The following N4BP3 variants were observed in gnomAD, a reference collection of about 807,000 sequenced individuals.
The protein encoded by N4BP3 is NEDD4-binding protein 3.
Under a neutral mutation model 43.8 loss-of-function variants are expected in N4BP3, and 33 were observed. That is an observed-to-expected ratio of 0.75 (90% CI 0.57 to 1.01). The LOEUF (loss-of-function observed/expected upper bound fraction) is 1.01, where lower values mean the gene tolerates loss of function less well. Among genes scored for constraint, N4BP3 ranks in the 50% least tolerant of loss-of-function variants. N4BP3 has a pLI of 0.00. For synonymous variants in N4BP3, 326 were observed against 321.9 expected, an observed-to-expected ratio of 1.01 and a Z score of -0.14; for missense variants, 756 against 744.2, an observed-to-expected ratio of 1.02 and a Z score of -0.18.
Position 178,122,126 on chromosome 5 carries a change from A to G in N4BP3, c.*125A>G. 1.6e-6 allele frequency: 2 copies of G among 1,237,280 alleles called. No homozygotes were observed. The highest frequency in any genetic ancestry group is 2.2e-6 in the Non-Finnish European group (2 of 919,212). 76.6% of individuals were successfully genotyped at this position (1,237,280 alleles called of 1,614,324 possible). A position where few individuals can be genotyped will look rare whatever the true frequency, so the allele number is the denominator to read the frequency against. ...GCCAGCCCGGGGCTGGGGAGGCGCA[A>G]GGAGAGGAGGGATCCAGTGGGGCCG... On this transcript the variant is annotated 3_prime_UTR_variant, in exon 5 of 5. Transcript: ENST00000274605.
rs555591537 is a variant in N4BP3 at position 178,113,990 on chromosome 5, C to T, written c.-31+219C>T. Among the ~76,000 whole-genome samples the T allele has an allele frequency of 1.2e-4, 19 of 152,294 alleles. No homozygotes were observed. In the East Asian group the frequency reaches 2.1e-3, roughly 17 times the overall value. The stretch of plus-strand genomic sequence containing the variant: ...CCGAGGCACCGGATCGGGGACCGAC[C>T]CCGATGCTCCGCTGGAGGGGCAGGC... On this transcript the variant is annotated intron_variant, in intron 1 of 4. Transcript: ENST00000274605.
At position 178,122,624 on chromosome 5, in the gene N4BP3, C is replaced by T. The variant is rs1757960516; in HGVS notation, c.*623C>T. On this transcript the variant is annotated 3_prime_UTR_variant, in exon 5 of 5. Transcript: ENST00000274605. ...TTAGCTGCCGTGTGGGCTGAAATTC[C>T]TTTCTTTAGCACCAGTGGAGTTTTC... 2.0e-5 allele frequency: 3 copies of T among 152,230 alleles called. No individual in the cohort carries two copies. The highest frequency in any genetic ancestry group is 7.2e-5 in the African/African-American group (3 of 41,452). 9.4% of individuals were successfully genotyped at this position (152,230 alleles called of 1,614,324 possible). A position where few individuals can be genotyped will look rare whatever the true frequency, so the allele number is the denominator to read the frequency against.
chr5:178,116,269 AG>A (rs1277526565), intron 1 of N4BP3, among the ~76,000 whole-genome samples: 1 of 151,830 alleles, frequency 6.6e-6, no homozygotes, highest in African/African-American at 2.4e-5. Flanking sequence ...GTGTTGGGGG[AG>A]GGGGTGGAGG....
At chr5:178,119,370 G>A (rs1263046280) in intron 1 of N4BP3, among the ~76,000 whole-genome samples, 184 bp from the exon 2 acceptor site, 2 of 152,228 alleles carry the variant, frequency 1.3e-5, no homozygotes, top group Admixed American at 6.5e-5. Context: ...TTTGGGGCTT[G>A]TACTTCTTTC....
chr5:178,126,715 C>CT (rs1758072090), downstream of N4BP3, among the ~76,000 whole-genome samples: 1 of 152,168 alleles, frequency 6.6e-6, no homozygotes. Flanking sequence ...ATGCCATTGT[C>CT]TTGAGCCCTT....
Position 178,123,603 on chromosome 5 carries a change from GC to G in N4BP3, c.*1607del. On this transcript the variant is annotated 3_prime_UTR_variant, in exon 5 of 5. Coordinates refer to ENST00000274605, the MANE Select transcript of N4BP3 (RefSeq NM_015111.2). Reference sequence around the variant, plus strand: ...CGGGTGTGAGGCATGAGCTGGGGGGGCCCCCTTTTTCAGGGCAGAGAATGAG... The same window carrying G: ...CGGGTGTGAGGCATGAGCTGGGGGGGCCCCTTTTTCAGGGCAGAGAATGAG... The G allele has an allele frequency of 6.5e-6, 1 of 153,240 alleles. No individual in the cohort carries two copies. The highest frequency in any genetic ancestry group is 1.5e-5 in the Non-Finnish European group (1 of 68,412). 9.5% of individuals were successfully genotyped at this position (153,240 alleles called of 1,614,324 possible).
Position 178,122,230 on chromosome 5 carries a change from G to A in N4BP3, c.*229G>A. 1.9e-6 allele frequency: 1 copy of A among 525,152 alleles called. No individual in the cohort carries two copies. Among genetic ancestry groups the A allele is most frequent in the Non-Finnish European group, 3.3e-6 (1 of 302,028 alleles). The allele number at this position is 525,152 out of a possible 1,614,324, so 32.5% of individuals were successfully genotyped here. A position where few individuals can be genotyped will look rare whatever the true frequency, so the allele number is the denominator to read the frequency against. On this transcript the variant is annotated 3_prime_UTR_variant, in exon 5 of 5. Transcript: ENST00000274605. Reference sequence around the variant, plus strand: ...GAGCACCTAGGCAGGGCCCAGCCCTGCTTCCTGGAGTGGATGTGGCCCAGA... The same window carrying A: ...GAGCACCTAGGCAGGGCCCAGCCCTACTTCCTGGAGTGGATGTGGCCCAGA...
At position 178,119,858 on chromosome 5, in the gene N4BP3, C is replaced by T. The variant is rs777049138; in HGVS notation, c.275C>T (p.Ser92Phe). 1.2e-6 allele frequency: 2 copies of T among 1,612,770 alleles called. No homozygotes were observed. The highest frequency in any genetic ancestry group is 8.5e-7 in the Non-Finnish European group (1 of 1,179,968). ...DYATLYYREH[S>F]RAGDFSKTSL... ...GCCACCCTCTACTACCGGGAACATT[C>T]TCGCGCGGGTGACTTCAGCAAGACC... Residue 92 changes from serine to phenylalanine, a missense_variant, in exon 2 of 5, where the codon TCT becomes TTT. Coordinates refer to ENST00000274605, the MANE Select transcript of N4BP3 (RefSeq NM_015111.2).
At chr5:178,115,413 A>C (rs1255800011) in intron 1 of N4BP3, among the ~76,000 whole-genome samples, 13 of 151,874 alleles carry the variant, frequency 8.6e-5, no homozygotes. Context: ...CCCTTAGCAG[A>C]GCTGATCCCC....
At chr5:178,117,190 T>C (rs1757792465) in intron 1 of N4BP3, among the ~76,000 whole-genome samples, 2 of 151,898 alleles carry the variant, frequency 1.3e-5, no homozygotes, top group Admixed American at 6.6e-5. Flanking sequence ...CTGGAGAGAG[T>C]GAGGGCAGGC....
chr5:178,120,417 C>A lies in N4BP3; in HGVS notation c.570C>A (p.Asp190Glu). The change falls in exon 3 of 5, where the codon GAC (aspartate) becomes GAA (glutamate). Residue 190 changes from aspartate (D) to glutamate (E), a missense_variant. Coordinates refer to ENST00000274605, the MANE Select transcript of N4BP3 (RefSeq NM_015111.2). ...GGPEPEPSLS[D>E]SSSGGSFGRS... ...CTGAGCCCGAGCCCAGCCTGTCCGA[C>A]TCCTCCAGTGGGGGTAGTTTTGGTC... 3 of 1,613,032 alleles carry A rather than the reference C, an allele frequency of 1.9e-6. No individual in the cohort carries two copies. Among genetic ancestry groups the A allele is most frequent in the Non-Finnish European group, 2.5e-6 (3 of 1,180,002 alleles).
At position 178,124,658 on chromosome 5, in the gene N4BP3, C is replaced by G. The variant is rs904166474; in HGVS notation, c.*2657C>G. 1 of 153,116 alleles carries G rather than the reference C, an allele frequency of 6.5e-6. No individual in the cohort carries two copies. Among genetic ancestry groups the G allele is most frequent in the Non-Finnish European group, 1.5e-5 (1 of 68,774 alleles). 9.5% of individuals were successfully genotyped at this position (153,116 alleles called of 1,614,324 possible). ...GGGCCTCCAGTCCTTCACTCAGTGT[C>G]ATCCCTTCCAGCAGCTCCCTGGGCC... is the stretch of plus-strand genomic sequence containing the variant. On this transcript the variant is annotated 3_prime_UTR_variant, in exon 5 of 5. Coordinates refer to ENST00000274605, the MANE Select transcript of N4BP3 (RefSeq NM_015111.2).
chr5:178,123,158 G>C lies in N4BP3; in HGVS notation c.*1157G>C, dbSNP rs1757973246. The C allele has an allele frequency of 2.6e-5, 4 of 152,430 alleles. 1 individual carries two copies. Among genetic ancestry groups the C allele is most frequent in the Admixed American group, 2.6e-4 (4 of 15,288 alleles). The allele number at this position is 152,430 out of a possible 1,614,324, so 9.4% of individuals were successfully genotyped here. On this transcript the variant is annotated 3_prime_UTR_variant, in exon 5 of 5. Coordinates refer to ENST00000274605, the MANE Select transcript of N4BP3 (RefSeq NM_015111.2). ...CTGCCTTTGGTCTCTCAGAGGCCTG[G>C]CTTGCCCTCTGGGCCTTTGCTCCCC...
chr5:178,120,355 C>G lies in N4BP3; in HGVS notation c.508C>G (p.Gln170Glu). The change falls in exon 3 of 5, where the codon CAG (glutamine) becomes GAG (glutamate). Residue 170 changes from glutamine (Q) to glutamate (E), a missense_variant. Physicochemically the swap from Gln to Glu is conservative, Grantham distance 29 (BLOSUM62 2). Coordinates refer to ENST00000274605, the MANE Select transcript of N4BP3 (RefSeq NM_015111.2). ...GCCCCGGGCCAGCCAGGCCCGGGCACAGCTGCTGCACGCCCTCAGCCTAGA... is the reference window on the plus strand; with the variant it reads ...GCCCCGGGCCAGCCAGGCCCGGGCAGAGCTGCTGCACGCCCTCAGCCTAGA... ...PGPRASQARA[Q>E]LLHALSLDEG... is the part of the protein sequence containing the mutation. 2 of 1,608,294 alleles carry G rather than the reference C, an allele frequency of 1.2e-6. No individual in the cohort carries two copies. Among genetic ancestry groups the G allele is most frequent in the African/African-American group, 2.7e-5 (2 of 74,892 alleles).
At chr5:178,113,866 T>G (rs1308708992) in intron 1 of N4BP3, 95 bp downstream of exon 1, 1 of 152,240 alleles carries the variant, frequency 6.6e-6, no homozygotes, top group Non-Finnish European at 1.5e-5. Context: ...TCGGGCGTCC[T>G]TGGCAAAGCT....
In N4BP3 at chr5:178,121,084, C is replaced by CT. The variant is rs1757908013; in HGVS notation, c.853-12dup. 5.0e-6 allele frequency: 8 copies of CT among 1,593,280 alleles called. No individual in the cohort carries two copies. In the East Asian group the frequency reaches 6.7e-5, roughly 13 times the overall value. ...GGGCAGGGCCACGGTGGATGCATCTCTTCCCCTTGACAGGTGCTGGAGGAG... is the reference window on the plus strand; with the variant it reads ...GGGCAGGGCCACGGTGGATGCATCTCTTTCCCCTTGACAGGTGCTGGAGGAG... On this transcript the variant is annotated splice_polypyrimidine_tract_variant and intron_variant, in intron 3 of 4. Coordinates refer to ENST00000274605, the MANE Select transcript of N4BP3 (RefSeq NM_015111.2).
chr5:178,126,943 G>C (rs867555503), downstream of N4BP3, among the ~76,000 whole-genome samples: 1 of 152,148 alleles, frequency 6.6e-6, no homozygotes, highest in South Asian at 2.1e-4. Flanking sequence ...ATGCTATTTA[G>C]ACTTCATCAG....
At position 178,119,848 on chromosome 5, in the gene N4BP3, C is replaced by A. The variant is rs146962131; in HGVS notation, c.265C>A (p.Arg89=). ...EPADYATLYY[R]EHSRAGDFSK... ...TGCCGACTATGCCACCCTCTACTAC[C>A]GGGAACATTCTCGCGCGGGTGACTT... is the stretch of plus-strand genomic sequence containing the variant. Residue 89 remains arginine, a synonymous_variant, in exon 2 of 5, where the codon CGG becomes AGG. Coordinates refer to ENST00000274605, the MANE Select transcript of N4BP3 (RefSeq NM_015111.2). 3 of 1,612,998 alleles carry A rather than the reference C, an allele frequency of 1.9e-6. No individual in the cohort carries two copies. The highest frequency in any genetic ancestry group is 2.5e-6 in the Non-Finnish European group (3 of 1,179,986).
In N4BP3 at chr5:178,121,679, C is replaced by CCCCAGGCAGCTGTGAGACTGATGACTG; in HGVS notation, c.1315_1341dup (p.Pro439_Cys447dup). On this transcript the variant is annotated inframe_insertion, in exon 5 of 5. Transcript: ENST00000274605. ...CAGGAGCAGGCCCCTCGGGAGGAAG[C>CCCCAGGCAGCTGTGAGACTGATGACTG]CCCAGGCAGCTGTGAGACTGATGAC... is the stretch of plus-strand genomic sequence containing the variant. 1.2e-6 allele frequency: 2 copies of CCCCAGGCAGCTGTGAGACTGATGACTG among 1,611,196 alleles called. No homozygotes were observed. The highest frequency in any genetic ancestry group is 1.7e-6 in the Non-Finnish European group (2 of 1,179,824).
Sources: gnomAD v4.1 joint callset for allele counts (sites outside exome capture counted in the v4.1 genomes callset) on GRCh38, gnomAD v4.1.1 for gene constraint, MANE v1.5 for transcripts, NCBI Gene and HGNC (gene_info 2026-07-23, HGNC 2026-07-21) for gene names.